The following ADAMTS20 variants were observed in gnomAD, a reference collection of about 807,000 sequenced individuals.
ADAMTS20 encodes A disintegrin and metalloproteinase with thrombospondin motifs 20.
Under a neutral mutation model 260.1 loss-of-function variants are expected in ADAMTS20, and 225 were observed. That is an observed-to-expected ratio of 0.87 (90% CI 0.78 to 0.97). The LOEUF (loss-of-function observed/expected upper bound fraction) is 0.97. Among genes scored for constraint, ADAMTS20 ranks in the 50% least tolerant of loss-of-function variants. ADAMTS20 has a pLI of 0.00. For missense variants in ADAMTS20, 2,400 were observed against 2,337.7 expected (o/e 1.03, Z -0.55); for synonymous variants, 802 against 769.5 (o/e 1.04, Z -0.70).
intron 29 of ADAMTS20, among the ~76,000 whole-genome samples, chr12:43,394,077 C>T (rs1238757900): frequency 6.6e-6 from 1 of 152,076 alleles, no homozygotes; most frequent in East Asian, 1.9e-4. Flanking sequence ...GGAACTGTGG[C>T]AGCCATTTTA....
intron 28 of ADAMTS20, among the ~76,000 whole-genome samples, chr12:43,405,544 T>C (rs530190815): frequency 6.6e-6 from 1 of 151,624 alleles, no homozygotes; most frequent in Admixed American, 6.6e-5. Flanking sequence ...TGGTTAAAAA[T>C]TATGAAACTT....
intron 3 of ADAMTS20, among the ~76,000 whole-genome samples, chr12:43,525,038 G>A (rs1943122775): frequency 6.6e-6 from 1 of 152,068 alleles, no homozygotes; most frequent in Non-Finnish European, 1.5e-5. Context: ...GCACTCCTGG[G>A]AGACTTATTG....
intron 24 of ADAMTS20, 59 bp downstream of exon 24, chr12:43,429,558 G>A (rs1487471846): frequency 4.1e-5 from 49 of 1,180,980 alleles, no homozygotes; most frequent in Non-Finnish European, 5.6e-5. Context: ...CAACCATTTT[G>A]TTGATGTCTA....
intron 7 of ADAMTS20, among the ~76,000 whole-genome samples, chr12:43,470,176 G>A (rs1021147661): frequency 4.6e-5 from 7 of 152,160 alleles, no homozygotes; most frequent in South Asian, 4.1e-4. Flanking sequence ...CTTATTATAT[G>A]TTTCTCTTTT....
chr12:43,447,949 T>C (rs552496511), intron 14 of ADAMTS20, among the ~76,000 whole-genome samples: 12 of 152,164 alleles, frequency 7.9e-5, no homozygotes, highest in Non-Finnish European at 1.8e-4. Context: ...GTGAAAGATC[T>C]CTACAATGAG....
chr12:43,452,184 T>C (rs2137351414), intron 14 of ADAMTS20, 90 bp downstream of exon 14: 1 of 1,333,050 alleles, frequency 7.5e-7, no homozygotes, highest in Non-Finnish European at 1.0e-6. Flanking sequence ...TATGCTGAAA[T>C]AGTAAAAGTA....
chr12:43,405,004 T>C (rs535649372), intron 28 of ADAMTS20, among the ~76,000 whole-genome samples: 4 of 152,082 alleles, frequency 2.6e-5, no homozygotes, highest in Admixed American at 6.6e-5. Flanking sequence ...TGTTTAGTTA[T>C]TCCAGGTCAA....
At chr12:43,436,412 T>G (rs527944254) in intron 18 of ADAMTS20, among the ~76,000 whole-genome samples, 58 of 152,276 alleles carry the variant, frequency 3.8e-4, no homozygotes, top group African/African-American at 1.4e-3. Flanking sequence ...ATCTGGAACT[T>G]TATATTTTCT....
At chr12:43,509,723 T>C (rs764563043) in intron 3 of ADAMTS20, among the ~76,000 whole-genome samples, 23 of 152,082 alleles carry the variant, frequency 1.5e-4, no homozygotes, top group Admixed American at 5.9e-4. Context: ...TGAAATTATG[T>C]GGTTGCATTT....
intron 18 of ADAMTS20, among the ~76,000 whole-genome samples, chr12:43,437,009 C>A (rs1306021811): frequency 6.6e-6 from 1 of 152,144 alleles, no homozygotes; most frequent in Non-Finnish European, 1.5e-5. Flanking sequence ...TTCAATCAGA[C>A]TTTTAGTACT....
chr12:43,471,948 C>T (rs1335619706), intron 7 of ADAMTS20, among the ~76,000 whole-genome samples: 9 of 149,686 alleles, frequency 6.0e-5, no homozygotes, highest in Middle Eastern at 3.2e-3. Context: ...TCCAAAGGAA[C>T]GCAGTTCCTC....
intron 28 of ADAMTS20, among the ~76,000 whole-genome samples, chr12:43,424,182 T>C (rs1941287458): frequency 6.6e-6 from 1 of 152,158 alleles, no homozygotes; most frequent in South Asian, 2.1e-4. Flanking sequence ...TACAAATAGA[T>C]TATAAACTCA....
At position 43,432,417 on chromosome 12, in the gene ADAMTS20, T is replaced by C. The variant is rs1303539693; in HGVS notation, c.2983A>G (p.Asn995Asp). The C allele has an allele frequency of 1.9e-6, 3 of 1,613,758 alleles. No homozygotes were observed. Among genetic ancestry groups the C allele is most frequent in the East Asian group, 4.5e-5 (2 of 44,862 alleles). ...GERSRESYCMNNFGHRLADNE... is the reference protein window; with the variant it reads ...GERSRESYCMDNFGHRLADNE... ...TCAGCAAGACGATGGCCAAAGTTAT[T>C]CATACAATAAGATTCTCGAGACCTT... is the stretch of plus-strand genomic sequence containing the variant. Residue 995 changes from asparagine to aspartate, a missense_variant, in exon 21 of 39, where the codon AAT (asparagine) becomes GAT (aspartate). Coordinates refer to ENST00000389420, the MANE Select transcript of ADAMTS20 (RefSeq NM_025003.5).
intron 11 of ADAMTS20, among the ~76,000 whole-genome samples, chr12:43,458,364 G>T (rs977431312): frequency 2.0e-5 from 3 of 152,212 alleles, no homozygotes; most frequent in Non-Finnish European, 4.4e-5. Flanking sequence ...AGGGTCCCAA[G>T]ATATTTTTCT....
chr12:43,443,698 G>T, intron 16 of ADAMTS20, 93 bp downstream of exon 16: 1 of 959,928 alleles, frequency 1.0e-6, no homozygotes. Flanking sequence ...TTGCTAAAGG[G>T]ACTCCTGTTT....
intron 11 of ADAMTS20, among the ~76,000 whole-genome samples, chr12:43,460,709 T>G (rs1275467419): frequency 6.6e-6 from 1 of 151,846 alleles, no homozygotes; most frequent in African/African-American, 2.4e-5. Flanking sequence ...ATTGATAAAT[T>G]ATAGTACATC....
At chr12:43,435,696 TA>T (rs535341386) in intron 18 of ADAMTS20, among the ~76,000 whole-genome samples, 4,285 of 117,048 alleles carry the variant, frequency 0.037, 119 homozygotes, top group African/African-American at 0.087. Flanking sequence ...AAAAAGTCTA[TA>T]AAAAAAAAAA....
intron 29 of ADAMTS20, among the ~76,000 whole-genome samples, chr12:43,385,235 G>A (rs570144072): frequency 6.6e-6 from 1 of 152,140 alleles, no homozygotes; most frequent in African/African-American, 2.4e-5. Context: ...TCATATGTTT[G>A]TTGGCCCCAT....
chr12:43,387,899 C>T (rs988456929), intron 29 of ADAMTS20, among the ~76,000 whole-genome samples: 20 of 152,172 alleles, frequency 1.3e-4, no homozygotes, highest in African/African-American at 4.8e-4. Context: ...TCCAGCATCC[C>T]AGGTTGACAT....
Sources: allele counts gnomAD v4.1 joint callset (sites outside exome capture counted in the v4.1 genomes callset), GRCh38; gene constraint gnomAD v4.1.1; transcripts MANE v1.5; gene names NCBI Gene and HGNC (gene_info 2026-07-23, HGNC 2026-07-21).